The following GRM4 variants were observed in gnomAD, a reference collection of about 807,000 sequenced individuals.
GRM4 encodes metabotropic glutamate receptor 4.
In GRM4, 28 loss-of-function variants were observed where a neutral mutation model predicts 81.7. The observed-to-expected ratio is 0.34, with a 90% CI of 0.25 to 0.47. GRM4 has a LOEUF of 0.47. Ranked by LOEUF, GRM4 falls within the 20% of genes least tolerant of loss-of-function variation. The pLI is 1.00. For missense variants in GRM4, 948 were observed against 1,290.0 expected, an observed-to-expected ratio of 0.73 and a Z score of 4.06; for synonymous variants, 488 against 528.8, an observed-to-expected ratio of 0.92 and a Z score of 1.06.
chr6:34,107,284 A>C (rs1769171822), intron 2 of GRM4, among the ~76,000 whole-genome samples: 1 of 152,064 alleles, frequency 6.6e-6, no homozygotes, highest in Non-Finnish European at 1.5e-5. Flanking sequence ...CACTCCCTCT[A>C]GCCCCTGGCA....
At chr6:34,079,399 A>T (rs1008383230) in intron 3 of GRM4, among the ~76,000 whole-genome samples, 1 of 152,192 alleles carries the variant, frequency 6.6e-6, no homozygotes, top group Non-Finnish European at 1.5e-5. Flanking sequence ...ACAACAGTTT[A>T]GCCAGAGACA....
intron 6 of GRM4, chr6:34,055,388 G>C (rs1294185831): frequency 6.6e-6 from 1 of 152,198 alleles, no homozygotes; most frequent in Non-Finnish European, 1.5e-5. Flanking sequence ...TGGGTCCCCA[G>C]TGGTCCAGTG....
intron 2 of GRM4, among the ~76,000 whole-genome samples, chr6:34,104,540 C>T (rs1286879525): frequency 1.3e-5 from 2 of 152,200 alleles, no homozygotes; most frequent in African/African-American, 4.8e-5. Flanking sequence ...CAGGATGACA[C>T]AGCAAGTGGC....
chr6:34,127,234 G>A (rs1204878562), intron 2 of GRM4, among the ~76,000 whole-genome samples: 1 of 152,170 alleles, frequency 6.6e-6, no homozygotes, highest in Admixed American at 6.5e-5. Flanking sequence ...GAAAGAGACA[G>A]AATAGCCAGG....
At chr6:34,151,182 A>G (rs548369823) in intron 1 of GRM4, among the ~76,000 whole-genome samples, 2 of 152,338 alleles carry the variant, frequency 1.3e-5, no homozygotes, top group Non-Finnish European at 2.9e-5. Flanking sequence ...GGAGTGGGAT[A>G]CACGGCCAGA....
At chr6:34,139,736 G>A (rs1770600865) in intron 1 of GRM4, among the ~76,000 whole-genome samples, 1 of 152,364 alleles carries the variant, frequency 6.6e-6, no homozygotes. Flanking sequence ...GCAAAGCCCA[G>A]GACAGGGGAT....
At chr6:34,093,060 G>T (rs1768326742) in intron 2 of GRM4, among the ~76,000 whole-genome samples, 1 of 152,182 alleles carries the variant, frequency 6.6e-6, no homozygotes, top group Non-Finnish European at 1.5e-5. Context: ...CCGCTCAGTT[G>T]TCCAGGGAGA....
At chr6:34,102,160 C>A (rs1210412651) in intron 2 of GRM4, 12 of 1,535,120 alleles carry the variant, frequency 7.8e-6, no homozygotes, top group Middle Eastern at 1.7e-4. Flanking sequence ...TTAAGGTGTG[C>A]AGGGGACAGG....
chr6:34,042,743 G>T lies in GRM4; in HGVS notation c.1169-1995C>A, dbSNP rs144762047. ...CAGTGATTCCCCGGGGACTCCAGAG[G>T]TCACTGTGTCCAGCCCCCTGCCTTG... On this transcript the variant is annotated intron_variant, in intron 6 of 10. Transcript: ENST00000538487. This position sits in a 1 kb window ranked among gnomAD's most constrained non-coding sequence, Gnocchi z 4.2. 4.6e-5 allele frequency among the ~76,000 whole-genome samples: 7 copies of T among 152,260 alleles called. No individual in the cohort carries two copies. In the East Asian group the frequency reaches 1.4e-3, roughly 29 times the overall value.
At position 34,153,000 on chromosome 6, in the gene GRM4, G is replaced by A. The variant is rs914164437; in HGVS notation, c.312+2079C>T. ...TCCACAACAGCCCTGTGATGGACCA[G>A]CCAGTGCAATGATTCCACTCCACAA... On this transcript the variant is annotated intron_variant, in intron 1 of 8. Coordinates refer to the GRM4 transcript ENST00000374177. The surrounding 1 kb of genome is among the most constrained non-coding windows in gnomAD (Gnocchi z 4.1). 1.3e-5 allele frequency among the ~76,000 whole-genome samples: 2 copies of A among 152,150 alleles called. No homozygotes were observed. Among genetic ancestry groups the A allele is most frequent in the African/African-American group, 4.8e-5 (2 of 41,420 alleles).
At position 34,118,483 on chromosome 6, in the gene GRM4, C is replaced by G. The variant is rs190870717; in HGVS notation, c.519+14495G>C. Among the ~76,000 whole-genome samples the G allele has an allele frequency of 1.5e-3, 232 of 152,320 alleles. 2 individuals carry two copies. The South Asian group carries it at 0.026, about 17-fold the overall frequency. On this transcript the variant is annotated intron_variant, in intron 2 of 10. Transcript: ENST00000538487. ...CTGATTCTAACTGGCTGAGGTGGCCCCCCACACATTAACTTCTCTGGGCCT... is the reference window on the plus strand; with the variant it reads ...CTGATTCTAACTGGCTGAGGTGGCCGCCCACACATTAACTTCTCTGGGCCT...
chr6:34,077,082 C>G (rs1767351656), intron 3 of GRM4, among the ~76,000 whole-genome samples: 1 of 152,052 alleles, frequency 6.6e-6, no homozygotes. Context: ...TGGAGTGGGA[C>G]AGCTTTTCAC....
In GRM4 at chr6:34,121,553, G is replaced by C. The variant is rs1769812652; in HGVS notation, c.519+11425C>G. 6.6e-6 allele frequency among the ~76,000 whole-genome samples: 1 copy of C among 152,216 alleles called. No individual in the cohort carries two copies. The highest frequency in any genetic ancestry group is 1.5e-5 in the Non-Finnish European group (1 of 68,042). The stretch of plus-strand genomic sequence containing the variant: ...TCCCCCTCCAGGAGATTTCAACTCT[G>C]ATAGTTTTCAATCCCTCTTCGCCCT... On this transcript the variant is annotated intron_variant, in intron 2 of 10. Coordinates refer to ENST00000538487, the MANE Select transcript of GRM4 (RefSeq NM_000841.4). This position sits in a 1 kb window ranked among gnomAD's most constrained non-coding sequence, Gnocchi z 4.6.
chr6:34,143,669 G>A (rs941270336), intron 1 of GRM4, among the ~76,000 whole-genome samples: 1 of 152,252 alleles, frequency 6.6e-6, no homozygotes, highest in Non-Finnish European at 1.5e-5. Context: ...GGATCCGGGG[G>A]AAAGTGGGGC....
chr6:34,151,576 G>A (rs1581747313), intron 1 of GRM4, among the ~76,000 whole-genome samples: 1 of 152,136 alleles, frequency 6.6e-6, no homozygotes, highest in South Asian at 2.1e-4. Flanking sequence ...GCGCCAGGGG[G>A]AGCAGCCAGG....
In GRM4 at chr6:34,020,662, GA is replaced by G. The variant is rs1763839003; in HGVS notation, c.*2158del. 1 of 152,174 alleles carries G rather than the reference GA, an allele frequency of 6.6e-6. No individual in the cohort carries two copies. The highest frequency in any genetic ancestry group is 6.5e-5 in the Admixed American group (1 of 15,270). The allele number at this position is 152,174 out of a possible 1,614,324, so 9.4% of individuals were successfully genotyped here. On this transcript the variant is annotated 3_prime_UTR_variant, in exon 11 of 11. Coordinates refer to ENST00000538487, the MANE Select transcript of GRM4 (RefSeq NM_000841.4). ...AGAGGTCTTAGGAACCATTCCGCAA[GA>G]TGATCAGCGAGACACTTCCTTTCCT...
intron 2 of GRM4, chr6:34,110,780 C>T (rs1769342976): frequency 4.9e-6 from 7 of 1,433,768 alleles, no homozygotes; most frequent in South Asian, 1.5e-5. Context: ...CAAAGTGGTG[C>T]CCCTCCCTGG....
At chr6:34,126,610 C>T (rs1263459592) in intron 2 of GRM4, among the ~76,000 whole-genome samples, 1 of 152,214 alleles carries the variant, frequency 6.6e-6, no homozygotes, top group African/African-American at 2.4e-5. Context: ...GTAGTGGGCA[C>T]TAGTGGGCAC....
In GRM4 at chr6:34,056,529, G is replaced by T. The variant is rs754043664; in HGVS notation, c.1168+15C>A. Reference sequence around the variant, plus strand: ...TCCTAGAGCCCGCCCGGCCCTGCCCGGCCCGCGTGCTCACTGGTGCACTTC... The same window carrying T: ...TCCTAGAGCCCGCCCGGCCCTGCCCTGCCCGCGTGCTCACTGGTGCACTTC... On this transcript the variant is annotated intron_variant, in intron 6 of 10. Transcript: ENST00000538487. 3.7e-6 allele frequency: 6 copies of T among 1,608,288 alleles called. No individual in the cohort carries two copies. The highest frequency in any genetic ancestry group is 5.1e-6 in the Non-Finnish European group (6 of 1,177,398).
Sources: allele counts gnomAD v4.1 joint callset (sites outside exome capture counted in the v4.1 genomes callset), GRCh38; gene constraint gnomAD v4.1.1; non-coding constraint Gnocchi (gnomAD v3.1); transcripts MANE v1.5; gene names NCBI Gene and HGNC (gene_info 2026-07-23, HGNC 2026-07-21).